GLIS1: variants seen among roughly 807,000 people sequenced by gnomAD.
GLIS1 encodes zinc finger protein GLIS1.
GLIS1 carries 24 observed loss-of-function variants against 63.8 expected under a neutral mutation model. The observed-to-expected ratio is 0.38, with a 90% CI of 0.27 to 0.53. The LOEUF (loss-of-function observed/expected upper bound fraction) is 0.53, where lower values mean the gene tolerates loss of function less well. Ranked by LOEUF, GLIS1 falls within the 20% of genes least tolerant of loss-of-function variation. GLIS1 has a pLI of 0.85. For synonymous variants in GLIS1, 450 were observed against 482.5 expected (o/e 0.93, Z 0.88); for missense variants, 1,036 against 1,074.1 (o/e 0.96, Z 0.50).
intron 2 of GLIS1, among the ~76,000 whole-genome samples, chr1:53,673,400 G>T (rs1168747673): frequency 6.6e-6 from 1 of 152,208 alleles, no homozygotes; most frequent in East Asian, 1.9e-4. Flanking sequence ...GAACCAAAAG[G>T]GCTTTACAGA....
chr1:53,542,246 C>A (rs547364832), intron 4 of GLIS1, among the ~76,000 whole-genome samples: 1 of 152,232 alleles, frequency 6.6e-6, no homozygotes, highest in Non-Finnish European at 1.5e-5. Flanking sequence ...TCCACTCAAG[C>A]GCCGGGGGGA....
intron 4 of GLIS1, among the ~76,000 whole-genome samples, chr1:53,533,381 C>A (rs1472583614): frequency 6.6e-6 from 1 of 152,206 alleles, no homozygotes; most frequent in Non-Finnish European, 1.5e-5. Context: ...GCAGTCCACG[C>A]ACCCCTGTGA....
chr1:53,642,067 A>C (rs1645793000), intron 2 of GLIS1, among the ~76,000 whole-genome samples: 2 of 152,216 alleles, frequency 1.3e-5, no homozygotes, highest in Non-Finnish European at 2.9e-5. Context: ...CCAGCTGGCC[A>C]GGCCAGGACA....
chr1:53,556,630 T>TGTGTGCAGGTGTACTGTAGGTA (rs1557449000), intron 4 of GLIS1, among the ~76,000 whole-genome samples: 1 of 38,504 alleles, frequency 2.6e-5, no homozygotes, highest in African/African-American at 1.9e-4. Flanking sequence ...AGGTATGTGT[T>TGTGTGCAGGTGTACTGTAGGTA]TGTGTATGCA....
At chr1:53,663,747 A>T (rs1194697226) in intron 2 of GLIS1, among the ~76,000 whole-genome samples, 1 of 152,084 alleles carries the variant, frequency 6.6e-6, no homozygotes, top group Non-Finnish European at 1.5e-5. Context: ...CCTAAGCTCC[A>T]TGGAGGTCTC....
At chr1:53,534,671 C>A (rs1178777951) in intron 4 of GLIS1, among the ~76,000 whole-genome samples, 1 of 150,708 alleles carries the variant, frequency 6.6e-6, no homozygotes, top group African/African-American at 2.5e-5. Context: ...TGACCACCCA[C>A]CCCATCCCTG....
chr1:53,614,767 A>C (rs758082886), intron 2 of GLIS1, among the ~76,000 whole-genome samples: 13 of 151,514 alleles, frequency 8.6e-5, no homozygotes, highest in Non-Finnish European at 1.3e-4. Context: ...CATTTGTCAG[A>C]TCTCACAGAA....
chr1:53,621,253 G>A (rs1389069754), intron 2 of GLIS1, among the ~76,000 whole-genome samples: 1 of 152,220 alleles, frequency 6.6e-6, no homozygotes, highest in Non-Finnish European at 1.5e-5. Context: ...CTCTCATTCT[G>A]TATCCCCCCC....
chr1:53,613,017 C>T (rs1214020156), intron 2 of GLIS1, among the ~76,000 whole-genome samples: 1 of 152,120 alleles, frequency 6.6e-6, no homozygotes, highest in East Asian at 1.9e-4. Flanking sequence ...TGGGGTTTCA[C>T]CATGTTGGCC....
intron 2 of GLIS1, among the ~76,000 whole-genome samples, chr1:53,671,326 T>C (rs986847636): frequency 6.6e-6 from 1 of 152,212 alleles, no homozygotes; most frequent in African/African-American, 2.4e-5. Flanking sequence ...GATCTCAAGC[T>C]CCATTTACCA....
At chr1:53,525,451 A>G (rs528487018) in intron 5 of GLIS1, among the ~76,000 whole-genome samples, 42 of 232 alleles carry the variant, frequency 0.18, no homozygotes, top group Non-Finnish European at 0.2. Context: ...ATCTGAGAAC[A>G]CAGGGCTGGG....
chr1:53,697,397 C>T (rs1332910136), intron 2 of GLIS1, among the ~76,000 whole-genome samples: 2 of 152,166 alleles, frequency 1.3e-5, no homozygotes, highest in Admixed American at 6.5e-5. Flanking sequence ...TCCTCCCCAC[C>T]GTTCTGCCTA....
chr1:53,678,328 A>G (rs12031936), intron 2 of GLIS1, among the ~76,000 whole-genome samples: 23 of 70,450 alleles, frequency 3.3e-4, no homozygotes, highest in Middle Eastern at 6.1e-3. Flanking sequence ...CAGGAGGGTG[A>G]GGGGGGGGGG....
At chr1:53,730,671 C>G (rs1006849023) in intron 2 of GLIS1, among the ~76,000 whole-genome samples, 1 of 152,126 alleles carries the variant, frequency 6.6e-6, no homozygotes, top group African/African-American at 2.4e-5. Flanking sequence ...CACAGCGGCA[C>G]GTAGGAAGGC....
At chr1:53,690,413 G>A (rs1280032493) in intron 2 of GLIS1, among the ~76,000 whole-genome samples, 1 of 152,220 alleles carries the variant, frequency 6.6e-6, no homozygotes, top group African/African-American at 2.4e-5. Context: ...AGACATGGCG[G>A]GGGCTGCTTC....
chr1:53,578,086 G>A (rs996139569), intron 4 of GLIS1, among the ~76,000 whole-genome samples: 5 of 152,188 alleles, frequency 3.3e-5, no homozygotes, highest in South Asian at 4.2e-4. Flanking sequence ...TGTCACCCTC[G>A]GGGACCTTGG....
intron 4 of GLIS1, among the ~76,000 whole-genome samples, chr1:53,557,593 G>GA (rs1644847001): frequency 2.0e-5 from 3 of 152,182 alleles, no homozygotes. Flanking sequence ...GCCGGCTGGG[G>GA]AAGAGCCTGG....
At chr1:53,553,371 C>T (rs1264863569) in intron 4 of GLIS1, among the ~76,000 whole-genome samples, 2 of 152,150 alleles carry the variant, frequency 1.3e-5, no homozygotes, top group Non-Finnish European at 2.9e-5. Flanking sequence ...TCCATTCATC[C>T]ATTCATCCAC....
chr1:53,582,003 G>T (rs1042326485), intron 4 of GLIS1, among the ~76,000 whole-genome samples: 1 of 152,162 alleles, frequency 6.6e-6, no homozygotes, highest in Admixed American at 6.5e-5. Flanking sequence ...AGAGGGGTGG[G>T]ATGACTTGCC....
Sources: gnomAD v4.1 joint callset for allele counts (sites outside exome capture counted in the v4.1 genomes callset) on GRCh38, gnomAD v4.1.1 for gene constraint, MANE v1.5 for transcripts, NCBI Gene and HGNC (gene_info 2026-07-23, HGNC 2026-07-21) for gene names.